The following MTR variants were observed in gnomAD, a reference collection of about 807,000 sequenced individuals.
MTR encodes 5-methyltetrahydrofolate-homocysteine methyltransferase.
A neutral mutation model predicts 154.8 loss-of-function variants in MTR; 84 were observed. The ratio of observed to expected loss-of-function variants is 0.54; its 90% CI spans 0.45 to 0.65. The LOEUF is 0.65. Ranked by LOEUF, MTR falls within the 30% of genes least tolerant of loss-of-function variation. The pLI is 0.00. For missense variants in MTR, 1,275 were observed against 1,570.2 expected (o/e 0.81, Z 3.18); for synonymous variants, 554 against 553.9 (o/e 1.00, Z 0.00).
chr1:236,861,454 G>C lies in MTR; in HGVS notation c.2196+177G>C, dbSNP rs2275567. Among the ~76,000 whole-genome samples the C allele has an allele frequency of 0.072, 10,991 of 152,222 alleles. 784 individuals carry two copies. Among genetic ancestry groups the C allele is most frequent in the African/African-American group, 0.19 (7,689 of 41,522 alleles). On this transcript the variant is annotated intron_variant, in intron 20 of 32. Transcript: ENST00000366577. Reference sequence around the variant, plus strand: ...ATGTCTGCAAGAATCCGTCTTCAGAGTGGTGTGGATGTTGGAAATCCGAAA... The same window carrying C: ...ATGTCTGCAAGAATCCGTCTTCAGACTGGTGTGGATGTTGGAAATCCGAAA...
At chr1:236,831,872 A>G (rs1393271763) in intron 12 of MTR, 94 bp from the exon 13 acceptor site, 1 of 904,428 alleles carries the variant, frequency 1.1e-6, no homozygotes, top group African/African-American at 1.6e-5. Flanking sequence ...ATGGTGCAGG[A>G]ACTTCTCTTT....
intron 3 of MTR, 33 bp downstream of exon 3, chr1:236,806,266 G>A (rs1257289399): frequency 1.9e-6 from 3 of 1,558,626 alleles, no homozygotes; most frequent in Non-Finnish European, 8.9e-7. Flanking sequence ...TGTCTAAGAT[G>A]CTTACGAGCG....
At position 236,892,446 on chromosome 1, in the gene MTR, T is replaced by C. The variant is rs1350698592; in HGVS notation, c.3204+1117T>C. On this transcript the variant is annotated intron_variant, in intron 29 of 32. Transcript: ENST00000366577. ...GCAGTAAGCCATGATCATGCCACTG[T>C]ATTCCAACCTGGGCAACAGAGTGAG... Among the ~76,000 whole-genome samples the C allele has an allele frequency of 2.0e-5, 3 of 152,130 alleles. No homozygotes were observed. In the East Asian group the frequency reaches 5.8e-4, roughly 29 times the overall value.
intron 13 of MTR, 83 bp downstream of exon 13, chr1:236,832,161 G>C (rs1353951389): frequency 5.5e-6 from 6 of 1,090,912 alleles, no homozygotes; most frequent in Non-Finnish European, 8.4e-6. Context: ...CTCTGCCTTT[G>C]ATAGTGTTAT....
At chr1:236,870,356 G>A (rs76657311) in intron 22 of MTR, among the ~76,000 whole-genome samples, 129 of 152,304 alleles carry the variant, frequency 8.5e-4, no homozygotes, top group African/African-American at 3.0e-3. Context: ...CTCTCCTTCT[G>A]GGAGTGGTCT....
chr1:236,846,559 A>T (rs1422959444), intron 15 of MTR, among the ~76,000 whole-genome samples: 1 of 152,210 alleles, frequency 6.6e-6, no homozygotes, highest in African/African-American at 2.4e-5. Flanking sequence ...AATTAATCCT[A>T]ACCTGGAAAA....
chr1:236,838,389 G>T, intron 14 of MTR, 25 bp from the exon 15 acceptor site: 1 of 1,613,424 alleles, frequency 6.2e-7, no homozygotes, highest in South Asian at 1.1e-5. Context: ...GCCTCTGTGT[G>T]ATTTTCTTGC....
chr1:236,893,310 A>G (rs10925262), intron 29 of MTR, among the ~76,000 whole-genome samples: 52,539 of 152,010 alleles, frequency 0.35, 11,604 homozygotes, highest in African/African-American at 0.62. Context: ...CCCTGTGTCA[A>G]TGAAGCTGTA....
In MTR at chr1:236,885,155, A is replaced by G; in HGVS notation, c.2711A>G (p.Glu904Gly). The G allele has an allele frequency of 6.2e-7, 1 of 1,610,050 alleles. No homozygotes were observed. Among genetic ancestry groups the G allele is most frequent in the Non-Finnish European group, 8.5e-7 (1 of 1,176,286 alleles). Residue 904 changes from glutamate to glycine, a missense_variant, in exon 26 of 33, where the codon GAA becomes GGA. Coordinates refer to ENST00000366577, the MANE Select transcript of MTR (RefSeq NM_000254.3). ...SQLLDENLKD[E>G]YFEEIMEEYE... ...CTGTTAGATGAAAATCTAAAGGATGAATACTTTGAGGAAATCATGGAAGAA... is the reference window on the plus strand; with the variant it reads ...CTGTTAGATGAAAATCTAAAGGATGGATACTTTGAGGAAATCATGGAAGAA...
intron 8 of MTR, chr1:236,820,404 C>A: frequency 1.1e-6 from 1 of 927,174 alleles, no homozygotes; most frequent in Non-Finnish European, 1.8e-6. Flanking sequence ...GCCCTCTGTG[C>A]CTATTCAGCA....
At chr1:236,852,867 G>T in intron 17 of MTR, 81 bp from the exon 18 acceptor site, 3 of 1,513,916 alleles carry the variant, frequency 2.0e-6, no homozygotes, top group Non-Finnish European at 2.7e-6. Context: ...ATTTCTCTCT[G>T]GCCCTTTACA....
At chr1:236,879,893 C>A (rs1356026886) in intron 24 of MTR, among the ~76,000 whole-genome samples, 38 of 152,018 alleles carry the variant, frequency 2.5e-4, no homozygotes, top group Admixed American at 2.5e-3. Flanking sequence ...GTGGCTCATG[C>A]CTGTAATCCC....
chr1:236,889,071 A>G, intron 27 of MTR, 110 bp from the exon 28 acceptor site: 1 of 1,322,862 alleles, frequency 7.6e-7, no homozygotes, highest in Non-Finnish European at 1.1e-6. Flanking sequence ...TACGGGTGAC[A>G]GGAGGGAGGC....
chr1:236,826,410 C>T (rs770649773), intron 10 of MTR, among the ~76,000 whole-genome samples: 1 of 152,132 alleles, frequency 6.6e-6, no homozygotes, highest in African/African-American at 2.4e-5. Context: ...GATCCTCCCA[C>T]CTAGCCTCCT....
At chr1:236,821,030 T>G (rs190542127) in intron 8 of MTR, among the ~76,000 whole-genome samples, 277 of 152,364 alleles carry the variant, frequency 1.8e-3, no homozygotes, top group Non-Finnish European at 3.2e-3. Context: ...TTGTATATTT[T>G]GGATGCAAGT....
rs568830925 is a variant in MTR, at chr1:236,857,944, G to C, written c.1954-1889G>C. ...GGTCCCTGCCAGGGGAGAGATATTT[G>C]CATGTAGCCAGAGTCTGGCATGGTC... On this transcript the variant is annotated intron_variant, in intron 18 of 32. Coordinates refer to ENST00000366577, the MANE Select transcript of MTR (RefSeq NM_000254.3). Among the ~76,000 whole-genome samples, 8 of 152,318 alleles carry C rather than the reference G, an allele frequency of 5.3e-5. No homozygotes were observed. The South Asian group carries it at 1.7e-3, about 32-fold the overall frequency.
In MTR at chr1:236,862,312, C is replaced by T; in HGVS notation, c.2273C>T (p.Thr758Ile). The change falls in exon 21 of 33, where the codon ACC (threonine) becomes ATC (isoleucine). Residue 758 changes from threonine (T) to isoleucine (I), a missense_variant. Coordinates refer to ENST00000366577, the MANE Select transcript of MTR (RefSeq NM_000254.3). ...IPFMEKEREE[T>I]RVLNGTVEEE... ...TTCATGGAAAAAGAAAGAGAAGAAA[C>T]CAGAGTGCTTAACGGCACAGTAGAA... 6.2e-7 allele frequency: 1 copy of T among 1,613,860 alleles called. No homozygotes were observed. Among genetic ancestry groups the T allele is most frequent in the Non-Finnish European group, 8.5e-7 (1 of 1,179,836 alleles).
chr1:236,812,682 G>A (rs1661373259), intron 5 of MTR, 56 bp from the exon 6 acceptor site: 1 of 1,375,544 alleles, frequency 7.3e-7, no homozygotes, highest in Non-Finnish European at 1.0e-6. Context: ...AGATACCCTA[G>A]GGCCATTCAG....
chr1:236,894,268 T>A, intron 29 of MTR, 89 bp from the exon 30 acceptor site: 1 of 1,284,458 alleles, frequency 7.8e-7, no homozygotes, highest in Non-Finnish European at 1.1e-6. Context: ...TATTCTCATT[T>A]GACGATACCC....
Sources: gnomAD v4.1 joint callset for allele counts (sites outside exome capture counted in the v4.1 genomes callset) on GRCh38, gnomAD v4.1.1 for gene constraint, MANE v1.5 for transcripts, NCBI Gene and HGNC (gene_info 2026-07-23, HGNC 2026-07-21) for gene names.